CALN1: variants seen among roughly 807,000 people sequenced by gnomAD.
The protein encoded by CALN1 is calcium-binding protein 8.
A neutral mutation model predicts 30.6 loss-of-function variants in CALN1; 17 were observed. The ratio of observed to expected loss-of-function variants is 0.56; its 90% CI spans 0.38 to 0.83. The LOEUF (loss-of-function observed/expected upper bound fraction) is 0.83. Ranked by LOEUF, CALN1 falls within the 40% of genes least tolerant of loss-of-function variation. CALN1 has a pLI of 0.00. For synonymous variants in CALN1, 156 were observed against 131.4 expected (o/e 1.19, Z -1.28); for missense variants, 291 against 354.9 (o/e 0.82, Z 1.45).
intron 4 of CALN1, among the ~76,000 whole-genome samples, chr7:72,036,223 T>C (rs80271219): frequency 0.011 from 1,619 of 152,350 alleles, 33 homozygotes; most frequent in African/African-American, 0.036. Flanking sequence ...ACAATCTTAC[T>C]GACAATCTCA....
chr7:72,308,865 T>C (rs758862291), intron 2 of CALN1, among the ~76,000 whole-genome samples: 4 of 152,238 alleles, frequency 2.6e-5, no homozygotes, highest in Non-Finnish European at 5.9e-5. Context: ...CATTCCCATC[T>C]GGCATGTATG....
chr7:72,015,060 AG>A (rs1800300145), intron 5 of CALN1, among the ~76,000 whole-genome samples: 1 of 152,246 alleles, frequency 6.6e-6, no homozygotes, highest in Admixed American at 6.5e-5. Flanking sequence ...TTTCCTACTT[AG>A]AAATTAGCTA....
At chr7:72,250,571 G>C (rs565944029) in intron 3 of CALN1, among the ~76,000 whole-genome samples, 2 of 152,296 alleles carry the variant, frequency 1.3e-5, no homozygotes, top group African/African-American at 4.8e-5. Context: ...CCTGGTGTTG[G>C]AGGTGGGGTC....
chr7:71,977,565 A>G (rs963852332), intron 5 of CALN1, among the ~76,000 whole-genome samples: 1 of 152,204 alleles, frequency 6.6e-6, no homozygotes. Context: ...TCAGCCACAC[A>G]GGTCTGTCTC....
intron 4 of CALN1, among the ~76,000 whole-genome samples, chr7:72,063,540 T>C (rs1439695800): frequency 1.3e-5 from 2 of 152,180 alleles, no homozygotes; most frequent in Non-Finnish European, 2.9e-5. Flanking sequence ...AGTGGCTGCA[T>C]TCACCAGCCA....
chr7:72,125,114 TG>T (rs1808654245), intron 3 of CALN1, among the ~76,000 whole-genome samples: 1 of 152,180 alleles, frequency 6.6e-6, no homozygotes. Context: ...CTGCAACCTC[TG>T]CCTCCCAGGT....
chr7:72,186,659 C>T (rs773030028), intron 3 of CALN1, among the ~76,000 whole-genome samples: 2 of 152,124 alleles, frequency 1.3e-5, no homozygotes, highest in Non-Finnish European at 2.9e-5. Context: ...CAAGTGAGAA[C>T]ATCCACTATT....
At chr7:71,846,868 A>G (rs1376657973) in intron 5 of CALN1, among the ~76,000 whole-genome samples, 1 of 146,824 alleles carries the variant, frequency 6.8e-6, no homozygotes, top group African/African-American at 2.5e-5. Flanking sequence ...ATATGTATGT[A>G]TATATAATAT....
At chr7:72,209,187 T>TC (rs1792145232) in intron 3 of CALN1, among the ~76,000 whole-genome samples, 2 of 135,114 alleles carry the variant, frequency 1.5e-5, no homozygotes, top group African/African-American at 3.0e-5. Context: ...CCTCCTTCCC[T>TC]CTTTCCTTCC....
chr7:72,007,946 G>A (rs1360577849), intron 5 of CALN1, among the ~76,000 whole-genome samples: 1 of 152,074 alleles, frequency 6.6e-6, no homozygotes, highest in Non-Finnish European at 1.5e-5. Flanking sequence ...AATACACACA[G>A]ACACACACAA....
intron 5 of CALN1, among the ~76,000 whole-genome samples, chr7:71,943,023 G>A (rs1212583508): frequency 3.9e-5 from 6 of 152,092 alleles, no homozygotes; most frequent in Admixed American, 1.3e-4. Flanking sequence ...TTTCCAGACC[G>A]AACCAATGTA....
intron 1 of CALN1, among the ~76,000 whole-genome samples, chr7:72,437,781 CCCTT>C (rs1808216602): frequency 1.5e-5 from 2 of 133,670 alleles, no homozygotes; most frequent in South Asian, 2.6e-4. Flanking sequence ...TTTCCTTCCT[CCCTT>C]CCTTCCTTTC....
chr7:72,209,492 G>A (rs1401876582), intron 3 of CALN1, among the ~76,000 whole-genome samples: 2 of 130,560 alleles, frequency 1.5e-5, no homozygotes, highest in Admixed American at 8.4e-5. Flanking sequence ...TTCCTTCCCT[G>A]CTTCCTTGCT....
chr7:72,267,330 C>A (rs1254952316), intron 3 of CALN1, among the ~76,000 whole-genome samples: 1 of 152,186 alleles, frequency 6.6e-6, no homozygotes, highest in Non-Finnish European at 1.5e-5. Flanking sequence ...GCACAGAAAC[C>A]AGCCCCCCTC....
intron 1 of CALN1, among the ~76,000 whole-genome samples, chr7:72,429,380 T>C (rs1023315326): frequency 9.2e-5 from 14 of 152,104 alleles, no homozygotes; most frequent in African/African-American, 3.1e-4. Flanking sequence ...GTCGAAAATA[T>C]CCCCCAAAAA....
chr7:72,412,361 C>T (rs753588802), upstream of CALN1: 5 of 152,162 alleles, frequency 3.3e-5, no homozygotes, highest in Non-Finnish European at 7.3e-5. Flanking sequence ...GGGGAGCCAG[C>T]TTTTATTCTC....
intron 3 of CALN1, among the ~76,000 whole-genome samples, chr7:72,150,127 C>CAAAAA (rs61261132): frequency 7.3e-6 from 1 of 137,186 alleles, no homozygotes. Context: ...AACTCCATCT[C>CAAAAA]AAAAAAAAAA....
intron 3 of CALN1, among the ~76,000 whole-genome samples, chr7:72,256,018 G>A (rs1489392093): frequency 5.3e-5 from 8 of 152,166 alleles, no homozygotes; most frequent in East Asian, 3.9e-4. Context: ...GTGAGCCACC[G>A]CGCCCTGCCT....
At chr7:71,876,777 G>T (rs1193318066) in intron 5 of CALN1, among the ~76,000 whole-genome samples, 1 of 152,204 alleles carries the variant, frequency 6.6e-6, no homozygotes, top group Non-Finnish European at 1.5e-5. Context: ...CAGGTTGCAA[G>T]TGGCAGAACA....
Sources: allele counts gnomAD v4.1 joint callset (sites outside exome capture counted in the v4.1 genomes callset), GRCh38; gene constraint gnomAD v4.1.1; transcripts MANE v1.5; gene names NCBI Gene and HGNC (gene_info 2026-07-23, HGNC 2026-07-21).